The following OTOGL variants were observed in gnomAD, a reference collection of about 807,000 sequenced individuals.
OTOGL encodes the protein otogelin-like protein.
In OTOGL, 285 loss-of-function variants were observed where a neutral mutation model predicts 318.5. The ratio of observed to expected loss-of-function variants is 0.89; its 90% CI spans 0.81 to 0.99. The LOEUF is 0.99. Ranked by LOEUF, OTOGL falls within the 50% of genes least tolerant of loss-of-function variation. The pLI is 0.00. For missense variants in OTOGL, 2,899 were observed against 2,845.6 expected (o/e 1.02, Z -0.43); for synonymous variants, 987 against 936.5 (o/e 1.05, Z -0.99).
chr12:80,149,414 A>T (rs1872624614), intron 1 of OTOGL, among the ~76,000 whole-genome samples: 1 of 152,210 alleles, frequency 6.6e-6, no homozygotes, highest in Non-Finnish European at 1.5e-5. Flanking sequence ...TTGAGGAGGC[A>T]GTCTGCCCGT....
At chr12:80,290,001 T>C (rs1190504829) in intron 26 of OTOGL, among the ~76,000 whole-genome samples, 1 of 152,142 alleles carries the variant, frequency 6.6e-6, no homozygotes, top group Non-Finnish European at 1.5e-5. Context: ...CCCAGTTTTG[T>C]GCTTGAAACC....
chr12:80,356,308 T>C (rs1889895096), intron 47 of OTOGL, 108 bp from the exon 48 acceptor site: 1 of 807,792 alleles, frequency 1.2e-6, no homozygotes, highest in Non-Finnish European at 2.0e-6. Context: ...ATGAGAGTCA[T>C]TTCCCGTCTT....
intron 31 of OTOGL, 71 bp downstream of exon 31, chr12:80,313,703 C>G: frequency 7.6e-7 from 1 of 1,310,346 alleles, no homozygotes; most frequent in Non-Finnish European, 1.0e-6. Context: ...GTTGATTTAG[C>G]TTAGAAATAA....
At chr12:80,155,455 TA>T (rs1873052877) in intron 1 of OTOGL, among the ~76,000 whole-genome samples, 1 of 152,172 alleles carries the variant, frequency 6.6e-6, no homozygotes, top group Non-Finnish European at 1.5e-5. Context: ...AACTTTGAGT[TA>T]ATTTTTTTAA....
chr12:80,123,138 CTCA>C (rs1162361941), intron 1 of OTOGL, among the ~76,000 whole-genome samples: 1 of 151,944 alleles, frequency 6.6e-6, no homozygotes, highest in Non-Finnish European at 1.5e-5. Flanking sequence ...CACCCAATAA[CTCA>C]TCATTTAACA....
rs778836913 is a variant in OTOGL at position 80,222,237 on chromosome 12, A to G, written c.481A>G (p.Thr161Ala). ...KDCGDLEPRYTVWVHNSPKCL... is the reference protein window; with the variant it reads ...KDCGDLEPRYAVWVHNSPKCL... Reference sequence around the variant, plus strand: ...CTGTGGTGATTTGGAGCCTCGGTACACTGTATGGGTAGGTGATTGTAGGAC... The same window carrying G: ...CTGTGGTGATTTGGAGCCTCGGTACGCTGTATGGGTAGGTGATTGTAGGAC... The change falls in exon 7 of 59, where the codon ACT becomes GCT. Residue 161 changes from threonine to alanine, a missense_variant. By Grantham distance (58) the Thr-to-Ala change is moderately conservative (BLOSUM62 0). Around this residue, in one of 3 missense-constraint regions of OTOGL, gnomAD observed 2,607 missense variants for 2,524.9 expected, o/e 1.03. Coordinates refer to ENST00000547103, the MANE Select transcript of OTOGL (RefSeq NM_001378609.3). The G allele has an allele frequency of 6.3e-7, 1 of 1,593,604 alleles. No homozygotes were observed.
chr12:80,204,916 A>G (rs1265934724), intron 1 of OTOGL, among the ~76,000 whole-genome samples: 5 of 152,106 alleles, frequency 3.3e-5, no homozygotes, highest in Non-Finnish European at 7.4e-5. Flanking sequence ...AGGGGAACAT[A>G]CTCAACTTTG....
chr12:80,248,994 G>A (rs1241263876), intron 11 of OTOGL, among the ~76,000 whole-genome samples: 2 of 145,124 alleles, frequency 1.4e-5, no homozygotes, highest in Non-Finnish European at 1.5e-5. Flanking sequence ...CGTAGTTCTC[G>A]AGCCTTGGTT....
intron 1 of OTOGL, among the ~76,000 whole-genome samples, chr12:80,119,140 G>A (rs928681311): frequency 4.6e-5 from 7 of 152,162 alleles, no homozygotes; most frequent in Non-Finnish European, 2.9e-5. Context: ...TGACCCAGCT[G>A]ACAGCTACTG....
intron 1 of OTOGL, among the ~76,000 whole-genome samples, chr12:80,198,991 C>T (rs188977788): frequency 4.6e-5 from 7 of 152,138 alleles, no homozygotes; most frequent in Non-Finnish European, 1.0e-4. Flanking sequence ...CTGTAATATG[C>T]GTGTGCATAT....
At chr12:80,158,714 A>T in intron 1 of OTOGL, among the ~76,000 whole-genome samples, 1 of 152,080 alleles carries the variant, frequency 6.6e-6, no homozygotes, top group East Asian at 1.9e-4. Context: ...TTCATTTATC[A>T]GTTCTAGGAG....
At chr12:80,144,047 C>CTT (rs201583324) in intron 1 of OTOGL, among the ~76,000 whole-genome samples, 4 of 141,508 alleles carry the variant, frequency 2.8e-5, no homozygotes, top group Non-Finnish European at 4.7e-5. Flanking sequence ...TTGTGCTTTT[C>CTT]TTTTTTTTTT....
chr12:80,275,837 A>C (rs550938847), intron 24 of OTOGL, among the ~76,000 whole-genome samples: 1 of 151,272 alleles, frequency 6.6e-6, no homozygotes, highest in African/African-American at 2.4e-5. Context: ...ATGATCATTA[A>C]CTTTTTTTTT....
At chr12:80,265,430 G>T in intron 20 of OTOGL, 3 of 546,122 alleles carry the variant, frequency 5.5e-6, no homozygotes, top group Non-Finnish European at 9.7e-6. Flanking sequence ...TGTAATAAAC[G>T]AAATTATTGT....
At chr12:80,119,712 A>G (rs1416658885) in intron 1 of OTOGL, among the ~76,000 whole-genome samples, 1 of 152,126 alleles carries the variant, frequency 6.6e-6, no homozygotes, top group Non-Finnish European at 1.5e-5. Context: ...GAGTTTCATA[A>G]AGGCAGATAC....
At chr12:80,165,641 T>G (rs1565885252) in intron 1 of OTOGL, among the ~76,000 whole-genome samples, 1 of 152,242 alleles carries the variant, frequency 6.6e-6, no homozygotes, top group Non-Finnish European at 1.5e-5. Context: ...GAAGAGAGTT[T>G]GATTCCTGCC....
chr12:80,191,503 G>A (rs1592532164), intron 1 of OTOGL, among the ~76,000 whole-genome samples: 2 of 152,294 alleles, frequency 1.3e-5, no homozygotes, highest in East Asian at 3.9e-4. Flanking sequence ...AGGCAGAGAC[G>A]AGCTAAGTGA....
At chr12:80,248,202 T>C (rs1270839135) in intron 11 of OTOGL, among the ~76,000 whole-genome samples, 6 of 146,484 alleles carry the variant, frequency 4.1e-5, no homozygotes, top group Admixed American at 3.4e-4. Flanking sequence ...TTTGATCCTG[T>C]CATTATGATG....
chr12:80,108,461 G>C (rs994427449), intron 1 of OTOGL, among the ~76,000 whole-genome samples: 1 of 151,832 alleles, frequency 6.6e-6, no homozygotes, highest in African/African-American at 2.4e-5. Context: ...AATTGGTGAC[G>C]TGAAATTTGA....
Sources: allele counts gnomAD v4.1 joint callset (sites outside exome capture counted in the v4.1 genomes callset), GRCh38; gene constraint gnomAD v4.1.1; regional missense constraint gnomAD v4.1.1; transcripts MANE v1.5; gene names NCBI Gene and HGNC (gene_info 2026-07-23, HGNC 2026-07-21).